The following GSTA5 variants were observed in gnomAD, a reference collection of about 807,000 sequenced individuals.
GSTA5 encodes the protein glutathione S-transferase A5.
GSTA5 carries 25 observed loss-of-function variants against 21.8 expected under a neutral mutation model. The observed-to-expected ratio is 1.14, with a 90% CI of 0.83 to 1.60. The LOEUF (loss-of-function observed/expected upper bound fraction) is 1.60. GSTA5 is among the 40% of genes most tolerant of loss of function. GSTA5 has a pLI of 0.00. For synonymous variants in GSTA5, 102 were observed against 89.5 expected, an observed-to-expected ratio of 1.14 and a Z score of -0.78; for missense variants, 330 against 259.2, an observed-to-expected ratio of 1.27 and a Z score of -1.88.
Position 52,838,008 on chromosome 6 carries a change from G to A in GSTA5, c.88-399C>T, listed in dbSNP as rs144019166. On this transcript the variant is annotated intron_variant, in intron 1 of 5. Transcript: ENST00000370989. ...GTCCCCAGTGTGGGGTATGCCATGGGCTAATGGCCATCAAATATTCTGCCA... is the reference window on the plus strand; with the variant it reads ...GTCCCCAGTGTGGGGTATGCCATGGACTAATGGCCATCAAATATTCTGCCA... Among the ~76,000 whole-genome samples the A allele has an allele frequency of 2.6e-4, 39 of 152,308 alleles. 2 individuals carry two copies. The highest frequency in any genetic ancestry group is 9.4e-4 in the African/African-American group (39 of 41,564).
upstream of GSTA5, among the ~76,000 whole-genome samples, chr6:52,844,383 G>T (rs549964913): frequency 1.3e-5 from 2 of 152,268 alleles, no homozygotes; most frequent in African/African-American, 4.8e-5. Flanking sequence ...CTTTTCAGGG[G>T]CTTGCTTGGA....
At chr6:52,840,044 T>C (rs1315370444) in intron 1 of GSTA5, among the ~76,000 whole-genome samples, 6 of 152,234 alleles carry the variant, frequency 3.9e-5, no homozygotes, top group Admixed American at 2.0e-4. Context: ...CTTTAATAGG[T>C]AGTTTGTTAC....
chr6:52,837,470 C>A (rs1187839073), intron 2 of GSTA5, 88 bp downstream of exon 2: 7 of 805,338 alleles, frequency 8.7e-6, no homozygotes, highest in Non-Finnish European at 1.5e-5. Context: ...TATCACCCCC[C>A]ACACACATAG....
chr6:52,842,129 C>T (rs1764384621), upstream of GSTA5, among the ~76,000 whole-genome samples: 1 of 152,160 alleles, frequency 6.6e-6, no homozygotes, highest in Admixed American at 6.5e-5. Context: ...ATAGCCCTTG[C>T]TCTATCCCAG....
chr6:52,835,844 G>C (rs894645697), intron 3 of GSTA5, among the ~76,000 whole-genome samples: 4 of 152,170 alleles, frequency 2.6e-5, no homozygotes, highest in African/African-American at 7.2e-5. Context: ...CTTGTTTACA[G>C]CCTTCCCTCC....
chr6:52,836,466 G>A, intron 2 of GSTA5, 98 bp from the exon 3 acceptor site: 1 of 1,267,886 alleles, frequency 7.9e-7, no homozygotes, highest in Non-Finnish European at 1.1e-6. Context: ...TTTGTGAAAT[G>A]AAAAAGAAAT....
upstream of GSTA5, among the ~76,000 whole-genome samples, chr6:52,844,211 T>C (rs1435191867): frequency 2.0e-5 from 3 of 152,210 alleles, no homozygotes; most frequent in African/African-American, 7.2e-5. Flanking sequence ...TCCTTCTGAT[T>C]GCAGGACCAG....
At chr6:52,837,474 C>A in intron 2 of GSTA5, 84 bp downstream of exon 2, 2 of 850,194 alleles carry the variant, frequency 2.4e-6, no homozygotes, top group South Asian at 1.5e-5. Flanking sequence ...ACCCCCCACA[C>A]ACATAGGTAT....
chr6:52,842,500 G>C (rs1398016451), upstream of GSTA5, among the ~76,000 whole-genome samples: 1 of 145,254 alleles, frequency 6.9e-6, no homozygotes, highest in Non-Finnish European at 1.5e-5. Context: ...TAGCCTCCCA[G>C]TTTCAAGTGA....
chr6:52,834,228 CAGA>C (rs1424612784), exon 4 of GSTA5: 8 of 1,613,990 alleles, frequency 5.0e-6, no homozygotes, highest in Non-Finnish European at 6.8e-6. Context: ...GACATATGAG[CAGA>C]AGAAGGATCA....
chr6:52,843,977 C>G (rs1377767289), upstream of GSTA5, among the ~76,000 whole-genome samples: 1 of 152,020 alleles, frequency 6.6e-6, no homozygotes, highest in Non-Finnish European at 1.5e-5. Flanking sequence ...TACCGTTGAG[C>G]TTTGTTCAGT....
upstream of GSTA5, among the ~76,000 whole-genome samples, chr6:52,844,455 G>A (rs75203498): frequency 6.6e-3 from 1,011 of 152,226 alleles, 12 homozygotes; most frequent in African/African-American, 0.023. Context: ...AGAGTGAGTT[G>A]AAGACTAGTA....
chr6:52,845,542 GAATATGACTTGTCGTC>G (rs1764442434), upstream of GSTA5, among the ~76,000 whole-genome samples: 2 of 152,190 alleles, frequency 1.3e-5, no homozygotes, highest in African/African-American at 4.8e-5. Flanking sequence ...TCCAGAGACA[GAATATGACTTGTCGTC>G]AAGCTAATTA....
chr6:52,836,425 G>A, intron 2 of GSTA5, 57 bp from the exon 3 acceptor site: 1 of 1,543,958 alleles, frequency 6.5e-7, no homozygotes. Context: ...ACCCTTTTGG[G>A]ATGAAAAAAA....
chr6:52,835,057 A>C lies in GSTA5; in HGVS notation c.273-775T>G, dbSNP rs1764273346. Among the ~76,000 whole-genome samples the C allele has an allele frequency of 2.0e-5, 3 of 152,318 alleles. No homozygotes were observed. The South Asian group carries it at 6.2e-4, about 32-fold the overall frequency. On this transcript the variant is annotated intron_variant, in intron 3 of 5. Transcript: ENST00000370989. ...TGCAACCTGTTAAATTACACTATTG[A>C]GTGGTTTTTGGTGGATTCACAGAAT... is the stretch of plus-strand genomic sequence containing the variant.
At chr6:52,839,328 C>T (rs1204002750) in intron 1 of GSTA5, among the ~76,000 whole-genome samples, 9 of 152,258 alleles carry the variant, frequency 5.9e-5, no homozygotes, top group South Asian at 2.1e-4. Flanking sequence ...CCCCTCCCTC[C>T]CTCCTGCTGA....
chr6:52,832,945 T>C (rs1166435375), exon 5 of GSTA5: 1 of 1,614,002 alleles, frequency 6.2e-7, no homozygotes, highest in African/African-American at 1.3e-5. Context: ...TCAGCCCAGC[T>C]CAGCTTGTTG....
chr6:52,844,267 A>G (rs1481800688), upstream of GSTA5, among the ~76,000 whole-genome samples: 1 of 152,090 alleles, frequency 6.6e-6, no homozygotes, highest in Non-Finnish European at 1.5e-5. Flanking sequence ...CTCCTGTCTG[A>G]TTATGTTGTT....
At position 52,831,837 on chromosome 6, in the gene GSTA5, T is replaced by C. The variant is rs765066885; in HGVS notation, c.*11A>G. The C allele has an allele frequency of 5.0e-6, 8 of 1,613,926 alleles. No homozygotes were observed. The South Asian group carries it at 6.6e-5, about 13-fold the overall frequency. On this transcript the variant is annotated 3_prime_UTR_variant, in exon 6 of 6. Transcript: ENST00000370989. ...TGGTCTGGCATGTTCTTGGCCTCCA[T>C]AGCTGCTTTATTAAAACCTGAAAAT...
Sources: gnomAD v4.1 joint callset for allele counts (sites outside exome capture counted in the v4.1 genomes callset) on GRCh38, gnomAD v4.1.1 for gene constraint, MANE v1.5 for transcripts, NCBI Gene and HGNC (gene_info 2026-07-23, HGNC 2026-07-21) for gene names.